Variants in CDK15 observed in about 807,000 individuals in gnomAD.
CDK15 encodes the protein cyclin dependent kinase 15.
Under a neutral mutation model 60.3 loss-of-function variants are expected in CDK15, and 62 were observed. The ratio of observed to expected loss-of-function variants is 1.03; its 90% CI spans 0.84 to 1.27. CDK15 has a LOEUF of 1.27. Among genes scored for constraint, CDK15 ranks in the 50% most tolerant of loss-of-function variants. The probability of loss-of-function intolerance (pLI) is 0.00; values close to 1 mark genes in which losing one functional copy is unlikely to be tolerated. For missense variants in CDK15, 541 were observed against 527.8 expected, an observed-to-expected ratio of 1.03 and a Z score of -0.25; for synonymous variants, 194 against 195.7, an observed-to-expected ratio of 0.99 and a Z score of 0.07.
chr2:201,806,516 A>C (rs1253331050), upstream of CDK15: 1 of 851,528 alleles, frequency 1.2e-6, no homozygotes, highest in East Asian at 2.9e-5. Flanking sequence ...AAACTGCTGA[A>C]GTTGTGAGGC....
intron 9 of CDK15, 111 bp from the exon 10 acceptor site, chr2:201,854,763 C>A (rs752278791): frequency 7.1e-6 from 6 of 841,586 alleles, no homozygotes; most frequent in African/African-American, 1.7e-5. Context: ...ATGGGACATA[C>A]ATCTGACGCT....
At chr2:201,888,384 G>A in intron 12 of CDK15, 1 of 1,508,450 alleles carries the variant, frequency 6.6e-7, no homozygotes, top group East Asian at 2.5e-5. Context: ...AACTTGTCCT[G>A]CCGACTGTCT....
Position 201,854,870 on chromosome 2 carries a change from A to G in CDK15, c.946-4A>G, listed in dbSNP as rs749620772. Reference sequence around the variant, plus strand: ...TTTCTTTTTCTTTGTTTGGCTTTATATAGGTGCTGGGAGTCCCTACAGAGG... The same window carrying G: ...TTTCTTTTTCTTTGTTTGGCTTTATGTAGGTGCTGGGAGTCCCTACAGAGG... On this transcript the variant is annotated splice_polypyrimidine_tract_variant and splice_region_variant and intron_variant, in intron 9 of 13. Transcript: ENST00000652192. The G allele has an allele frequency of 3.1e-6, 5 of 1,613,698 alleles. No individual in the cohort carries two copies. Among genetic ancestry groups the G allele is most frequent in the Admixed American group, 1.7e-5 (1 of 60,006 alleles).
At chr2:201,861,011 A>T (rs776568615) in intron 10 of CDK15, 4 of 1,177,778 alleles carry the variant, frequency 3.4e-6, no homozygotes, top group Non-Finnish European at 4.3e-6. Context: ...CTGGGTCGGC[A>T]TCAGCTTGGT....
chr2:201,859,470 T>A (rs1698290881), intron 10 of CDK15, among the ~76,000 whole-genome samples: 1 of 152,178 alleles, frequency 6.6e-6, no homozygotes, highest in Admixed American at 6.5e-5. Flanking sequence ...AACCATACAG[T>A]GTAGGTTTCA....
At chr2:201,863,153 A>G (rs962093939) in intron 10 of CDK15, among the ~76,000 whole-genome samples, 4 of 152,182 alleles carry the variant, frequency 2.6e-5, no homozygotes, top group Admixed American at 2.6e-4. Flanking sequence ...CAGTGAAATT[A>G]ATTTAGATAC....
chr2:201,833,455 C>T (rs1347669316), intron 6 of CDK15, among the ~76,000 whole-genome samples: 1 of 151,960 alleles, frequency 6.6e-6, no homozygotes. Flanking sequence ...ATATCATTTC[C>T]AGGTCAACTT....
intron 3 of CDK15, among the ~76,000 whole-genome samples, chr2:201,809,714 T>C (rs1695669724): frequency 6.6e-6 from 1 of 152,138 alleles, no homozygotes; most frequent in South Asian, 2.1e-4. Context: ...CAAGACCCTA[T>C]AGAATCCCTA....
intron 9 of CDK15, among the ~76,000 whole-genome samples, chr2:201,852,569 A>C (rs1697958960): frequency 6.6e-6 from 1 of 152,232 alleles, no homozygotes. Context: ...CAAACTTTGA[A>C]TCCATTAATC....
At chr2:201,885,148 T>C (rs967303991) in intron 12 of CDK15, among the ~76,000 whole-genome samples, 1 of 152,366 alleles carries the variant, frequency 6.6e-6, no homozygotes, top group African/African-American at 2.4e-5. Context: ...TCTTAACTCA[T>C]ATACCATTGT....
chr2:201,816,460 T>TTG (rs1695998414), intron 4 of CDK15, among the ~76,000 whole-genome samples: 1 of 143,142 alleles, frequency 7.0e-6, no homozygotes, highest in South Asian at 2.3e-4. Context: ...AAATGGTTTT[T>TTG]TTTTTTTTTT....
intron 3 of CDK15, among the ~76,000 whole-genome samples, chr2:201,810,256 A>G (rs775904814): frequency 2.2e-4 from 34 of 152,132 alleles, no homozygotes; most frequent in Non-Finnish European, 4.6e-4. Flanking sequence ...AGGTGGGCAA[A>G]TCGGCAAATC....
chr2:201,835,971 T>C (rs1697005484), intron 8 of CDK15, among the ~76,000 whole-genome samples: 1 of 92,022 alleles, frequency 1.1e-5, no homozygotes, highest in Non-Finnish European at 2.1e-5. Context: ...TATATTTATA[T>C]ATTTATATAT....
intron 9 of CDK15, among the ~76,000 whole-genome samples, chr2:201,852,256 C>T (rs887761997): frequency 6.6e-6 from 1 of 152,218 alleles, no homozygotes. Context: ...GAAAGCTACA[C>T]TTCAGAATCT....
intron 4 of CDK15, 69 bp from the exon 5 acceptor site, chr2:201,822,740 C>G: frequency 1.2e-6 from 1 of 820,970 alleles, no homozygotes; most frequent in Non-Finnish European, 2.0e-6. Context: ...AAATATATAC[C>G]GTCTGATATC....
chr2:201,892,613 C>T (rs1319090995), intron 13 of CDK15, among the ~76,000 whole-genome samples: 1 of 152,178 alleles, frequency 6.6e-6, no homozygotes, highest in Admixed American at 6.5e-5. Flanking sequence ...CATGATGTCC[C>T]TAGGCCTTGG....
chr2:201,854,047 A>G (rs1698029491), intron 9 of CDK15, among the ~76,000 whole-genome samples: 1 of 152,104 alleles, frequency 6.6e-6, no homozygotes, highest in Admixed American at 6.5e-5. Context: ...GGTGGCTTGC[A>G]TCTGTAATCC....
intron 9 of CDK15, among the ~76,000 whole-genome samples, chr2:201,849,548 G>GA (rs201872961): frequency 8.9e-5 from 13 of 146,796 alleles, no homozygotes; most frequent in South Asian, 4.3e-4. Context: ...AGCCAAGGGG[G>GA]AAAAAAAAAA....
Position 201,882,819 on chromosome 2 carries a change from G to C in CDK15, c.1198+2652G>C, listed in dbSNP as rs1158888496. Among the ~76,000 whole-genome samples the C allele has an allele frequency of 6.6e-6, 1 of 152,212 alleles. No homozygotes were observed. Among genetic ancestry groups the C allele is most frequent in the Non-Finnish European group, 1.5e-5 (1 of 68,032 alleles). On this transcript the variant is annotated intron_variant, in intron 12 of 13. Transcript: ENST00000652192. This position sits in a 1 kb window ranked among gnomAD's most constrained non-coding sequence, Gnocchi z 4.0. ...GGAAGAGACAGAAGCAGCCAGGGCT[G>C]GTTTGTGCACCTTCGTGACAGTGGC...
Sources: gnomAD v4.1 joint callset for allele counts (sites outside exome capture counted in the v4.1 genomes callset) on GRCh38, gnomAD v4.1.1 for gene constraint, Gnocchi (gnomAD v3.1) non-coding constraint, MANE v1.5 for transcripts, NCBI Gene and HGNC (gene_info 2026-07-23, HGNC 2026-07-21) for gene names.